NGEF: variants seen among roughly 807,000 people sequenced by gnomAD.
NGEF encodes the protein ephexin-1.
NGEF carries 31 observed loss-of-function variants against 80.9 expected under a neutral mutation model. That is an observed-to-expected ratio of 0.38 (90% CI 0.29 to 0.52). The LOEUF is 0.52. Among genes scored for constraint, NGEF ranks in the 20% least tolerant of loss-of-function variants. The probability of loss-of-function intolerance (pLI) is 0.84; values close to 1 mark genes in which losing one functional copy is unlikely to be tolerated. For missense variants in NGEF, 709 were observed against 926.2 expected (o/e 0.77, Z 3.04); for synonymous variants, 371 against 370.2 (o/e 1.00, Z -0.03).
At chr2:232,958,768 A>C (rs773892655) in intron 3 of NGEF, among the ~76,000 whole-genome samples, 114 of 152,324 alleles carry the variant, frequency 7.5e-4, no homozygotes, top group Middle Eastern at 3.4e-3. Flanking sequence ...ATTATGGAAA[A>C]TTTCAAACAT....
At chr2:232,916,255 C>T (rs1362462895) in intron 5 of NGEF, among the ~76,000 whole-genome samples, 1 of 152,184 alleles carries the variant, frequency 6.6e-6, no homozygotes, top group Non-Finnish European at 1.5e-5. Flanking sequence ...AGCTCCTTAT[C>T]TGTGTTATTT....
chr2:232,942,800 A>G (rs1029802758), intron 3 of NGEF, among the ~76,000 whole-genome samples: 1 of 151,730 alleles, frequency 6.6e-6, no homozygotes, highest in African/African-American at 2.4e-5. Flanking sequence ...CTCAAAAAAA[A>G]AAAAAAAGAA....
intron 1 of NGEF, among the ~76,000 whole-genome samples, chr2:232,982,374 G>A (rs77292579): frequency 1.7e-3 from 257 of 152,224 alleles, no homozygotes; most frequent in Non-Finnish European, 2.8e-3. Context: ...AGGAAGATGG[G>A]GCTTATTGAG....
At chr2:232,930,085 C>G (rs1375537495) in intron 3 of NGEF, among the ~76,000 whole-genome samples, 1 of 152,026 alleles carries the variant, frequency 6.6e-6, no homozygotes, top group Non-Finnish European at 1.5e-5. Flanking sequence ...TATAAATTAC[C>G]CAGTCTCAGG....
At chr2:232,990,782 C>T (rs553425821) in intron 1 of NGEF, among the ~76,000 whole-genome samples, 35 of 152,014 alleles carry the variant, frequency 2.3e-4, no homozygotes, top group African/African-American at 7.7e-4. Flanking sequence ...TCACAAGAAA[C>T]GAAAATTATA....
At chr2:232,997,555 T>C (rs1317558196) in intron 1 of NGEF, among the ~76,000 whole-genome samples, 1 of 152,072 alleles carries the variant, frequency 6.6e-6, no homozygotes, top group Admixed American at 6.6e-5. Context: ...ATATCCACCG[T>C]AGATTTCTGC....
intron 3 of NGEF, among the ~76,000 whole-genome samples, chr2:232,933,806 C>T (rs2106290817): frequency 6.6e-6 from 1 of 152,348 alleles, no homozygotes; most frequent in Admixed American, 6.5e-5. Flanking sequence ...TGGGTGTCCC[C>T]ACCAGGCCCC....
chr2:232,940,392 G>A (rs1693413393), intron 3 of NGEF, among the ~76,000 whole-genome samples: 1 of 152,210 alleles, frequency 6.6e-6, no homozygotes, highest in Non-Finnish European at 1.5e-5. Flanking sequence ...TCCCCTGGGG[G>A]CGGGAGTGTG....
At chr2:232,898,824 G>A (rs922245136) in intron 5 of NGEF, among the ~76,000 whole-genome samples, 1 of 152,258 alleles carries the variant, frequency 6.6e-6, no homozygotes, top group African/African-American at 2.4e-5. Context: ...GCCTGTGAGG[G>A]CGAGTGGGAA....
At chr2:232,957,253 A>G (rs1335468371) in intron 3 of NGEF, among the ~76,000 whole-genome samples, 1 of 152,198 alleles carries the variant, frequency 6.6e-6, no homozygotes, top group Non-Finnish European at 1.5e-5. Context: ...TTACAGGTAG[A>G]GAAAATCCAC....
intron 3 of NGEF, among the ~76,000 whole-genome samples, chr2:232,931,238 C>T (rs569744475): frequency 1.3e-5 from 2 of 152,318 alleles, no homozygotes; most frequent in East Asian, 1.9e-4. Flanking sequence ...GCTCTGCCTG[C>T]AGTGCCCACT....
At chr2:232,992,387 G>T (rs996551533) in intron 1 of NGEF, among the ~76,000 whole-genome samples, 7 of 151,708 alleles carry the variant, frequency 4.6e-5, no homozygotes, top group African/African-American at 1.5e-4. Context: ...GTGAAACGCC[G>T]TCTCCACTGC....
intron 1 of NGEF, among the ~76,000 whole-genome samples, chr2:232,983,596 C>T (rs977952371): frequency 6.6e-6 from 1 of 152,112 alleles, no homozygotes; most frequent in Non-Finnish European, 1.5e-5. Context: ...TTCCTTAAGG[C>T]TGCAGAACTC....
rs142204950 is a variant in NGEF, at chr2:232,925,531, G to A, written c.526+1513C>T. ...CCCAAACGACCAGGCACTAGAGCTC[G>A]GGACCCTGCCAGCCGGCTTCGGACT... is the stretch of plus-strand genomic sequence containing the variant. On this transcript the variant is annotated intron_variant, in intron 4 of 14. Transcript: ENST00000264051. 2.1e-4 allele frequency among the ~76,000 whole-genome samples: 32 copies of A among 152,260 alleles called. No homozygotes were observed. In the East Asian group the frequency reaches 5.4e-3, roughly 26 times the overall value.
chr2:232,928,622 G>A (rs912919802), intron 3 of NGEF, among the ~76,000 whole-genome samples: 1 of 152,180 alleles, frequency 6.6e-6, no homozygotes, highest in African/African-American at 2.4e-5. Flanking sequence ...TGCTCCAGGC[G>A]GAGACTGGGG....
intron 1 of NGEF, 86 bp from the exon 2 acceptor site, chr2:232,975,050 T>C: frequency 1.5e-6 from 1 of 676,108 alleles, no homozygotes; most frequent in Non-Finnish European, 2.4e-6. Flanking sequence ...CCATTCGAAT[T>C]TGATGAAACG....
At chr2:233,009,270 C>T (rs1695153588) in intron 1 of NGEF, among the ~76,000 whole-genome samples, 3 of 152,200 alleles carry the variant, frequency 2.0e-5, no homozygotes, top group Admixed American at 1.3e-4. Flanking sequence ...AGTGAGAACA[C>T]GAGATATATG....
At chr2:233,002,713 G>A (rs969525559) in intron 1 of NGEF, among the ~76,000 whole-genome samples, 6 of 152,186 alleles carry the variant, frequency 3.9e-5, no homozygotes, top group Non-Finnish European at 7.3e-5. Flanking sequence ...ATTGATTGAC[G>A]TTCAGGAAAC....
At chr2:232,950,851 A>G (rs1156396906) in intron 3 of NGEF, among the ~76,000 whole-genome samples, 2 of 150,388 alleles carry the variant, frequency 1.3e-5, no homozygotes, top group Non-Finnish European at 3.0e-5. Flanking sequence ...TCGCTAACAT[A>G]TGGTTGACTT....
Sources: allele counts gnomAD v4.1 joint callset (sites outside exome capture counted in the v4.1 genomes callset), GRCh38; gene constraint gnomAD v4.1.1; transcripts MANE v1.5; gene names NCBI Gene and HGNC (gene_info 2026-07-23, HGNC 2026-07-21).